Variants in PCDH15 observed in about 807,000 individuals in gnomAD.
PCDH15 encodes the protein protocadherin-15.
Under a neutral mutation model 178.5 loss-of-function variants are expected in PCDH15, and 129 were observed. The ratio of observed to expected loss-of-function variants is 0.72; its 90% confidence interval spans 0.63 to 0.84. PCDH15 has a LOEUF of 0.84. Among genes scored for constraint, PCDH15 ranks in the 40% least tolerant of loss-of-function variants. The pLI is 0.00. For missense variants in PCDH15, 2,230 were observed against 2,099.9 expected (o/e 1.06, Z -1.21); for synonymous variants, 800 against 732.0 (o/e 1.09, Z -1.50).
At chr10:54,241,889 A>ATTTTAATTTTAAGAACCTTAAAATTATTC (rs1564768352) in intron 8 of PCDH15, among the ~76,000 whole-genome samples, 2 of 151,516 alleles carry the variant, frequency 1.3e-5, no homozygotes, top group Admixed American at 6.6e-5. Context: ...TAAAATTATT[A>ATTTTAATTTTAAGAACCTTAAAATTATTC]TTTTAATTTT....
Position 54,456,449 on chromosome 10 carries a change from A to G in PCDH15, c.157+71363T>C, listed in dbSNP as rs903726724. On this transcript the variant is annotated intron_variant, in intron 3 of 37. Transcript: ENST00000644397. ...CCCTTTGTGTTGGCCAATTACCTCTATGTGGAATGGATGTATTTAACCAAT... is the reference window on the plus strand; with the variant it reads ...CCCTTTGTGTTGGCCAATTACCTCTGTGTGGAATGGATGTATTTAACCAAT... Among the ~76,000 whole-genome samples the G allele has an allele frequency of 3.4e-5, 5 of 148,106 alleles. No homozygotes were observed. The South Asian group carries it at 1.1e-3, about 33-fold the overall frequency.
chr10:54,376,181 C>T (rs1238868971), intron 4 of PCDH15, among the ~76,000 whole-genome samples: 1 of 151,804 alleles, frequency 6.6e-6, no homozygotes, highest in Non-Finnish European at 1.5e-5. Flanking sequence ...AGGCATGAGC[C>T]ATCACACCCA....
intron 3 of PCDH15, among the ~76,000 whole-genome samples, chr10:54,404,787 AT>A (rs752080603): frequency 8.4e-4 from 128 of 152,246 alleles, no homozygotes; most frequent in Non-Finnish European, 1.5e-3. Flanking sequence ...ACTAAAAGGA[AT>A]TTAAGCAAAT....
intron 18 of PCDH15, among the ~76,000 whole-genome samples, chr10:54,035,941 G>A (rs1355051923): frequency 6.6e-6 from 1 of 151,930 alleles, no homozygotes; most frequent in African/African-American, 2.4e-5. Context: ...TGTGAAGAAA[G>A]TTTGAGTGGT....
At chr10:53,979,339 C>T (rs542235673) in intron 21 of PCDH15, among the ~76,000 whole-genome samples, 6 of 152,202 alleles carry the variant, frequency 3.9e-5, no homozygotes, top group African/African-American at 1.4e-4. Flanking sequence ...TTTGTGAGAA[C>T]TCACTCACTA....
chr10:54,500,273 C>T (rs1409646560), intron 3 of PCDH15, among the ~76,000 whole-genome samples: 1 of 151,720 alleles, frequency 6.6e-6, no homozygotes, highest in Non-Finnish European at 1.5e-5. Flanking sequence ...AAGATGGGAA[C>T]AATAAAAACA....
chr10:55,593,643 T>G (rs540170055), intron 2 of PCDH15, among the ~76,000 whole-genome samples: 123 of 152,008 alleles, frequency 8.1e-4, no homozygotes, highest in African/African-American at 2.8e-3. Context: ...TAGCTTTTTT[T>G]TTAACAGTAT....
chr10:54,274,719 A>G lies in PCDH15; in HGVS notation c.877-37788T>C, dbSNP rs188752517. 5.8e-3 allele frequency among the ~76,000 whole-genome samples: 883 copies of G among 151,258 alleles called. 7 individuals are homozygous for G. Among genetic ancestry groups the G allele is most frequent in the African/African-American group, 0.02 (806 of 41,266 alleles). On this transcript the variant is annotated intron_variant, in intron 8 of 37. Coordinates refer to ENST00000644397, the MANE Select transcript of PCDH15 (RefSeq NM_001384140.1). ...AATGACTGACGTGTTCGTATTATGC[A>G]ATTTTTTATTTTTTTCATCATATTG...
chr10:55,218,112 A>G (rs981683782), intron 1 of PCDH15, among the ~76,000 whole-genome samples: 3 of 151,974 alleles, frequency 2.0e-5, no homozygotes, highest in African/African-American at 7.3e-5. Flanking sequence ...TCTAGTCCTC[A>G]CAATAACCTT....
At chr10:54,580,901 T>A (rs544179654) in intron 2 of PCDH15, among the ~76,000 whole-genome samples, 5 of 152,118 alleles carry the variant, frequency 3.3e-5, no homozygotes, top group African/African-American at 1.2e-4. Flanking sequence ...AAATCTAACA[T>A]CTCTTCATGA....
chr10:54,288,337 A>G (rs959591123), intron 8 of PCDH15, among the ~76,000 whole-genome samples: 3 of 151,264 alleles, frequency 2.0e-5, no homozygotes, highest in African/African-American at 2.4e-5. Flanking sequence ...ATACATAAAT[A>G]AGAGAGAGAG....
intron 18 of PCDH15, among the ~76,000 whole-genome samples, chr10:54,026,489 G>T (rs139050622): frequency 1.3e-5 from 2 of 152,066 alleles, no homozygotes; most frequent in African/African-American, 4.8e-5. Context: ...AGTTTAAATT[G>T]GTATAAATTA....
chr10:54,804,813 T>A (rs1005719347), upstream of PCDH15, among the ~76,000 whole-genome samples: 7 of 151,032 alleles, frequency 4.6e-5, no homozygotes, highest in Admixed American at 1.3e-4. Flanking sequence ...TCATGCCAGT[T>A]CATCTGTGCA....
At chr10:55,306,156 T>C (rs1157172741) in intron 1 of PCDH15, among the ~76,000 whole-genome samples, 1 of 151,728 alleles carries the variant, frequency 6.6e-6, no homozygotes, top group Non-Finnish European at 1.5e-5. Flanking sequence ...CAATCAAGAG[T>C]TTACCGTAAG....
intron 3 of PCDH15, among the ~76,000 whole-genome samples, chr10:54,829,088 G>C (rs1953180522): frequency 6.6e-6 from 1 of 151,980 alleles, no homozygotes; most frequent in Admixed American, 6.6e-5. Context: ...TCCAAGGTTA[G>C]TTTTTGTACA....
intron 2 of PCDH15, among the ~76,000 whole-genome samples, chr10:55,007,857 C>A (rs1839968843): frequency 6.6e-6 from 1 of 152,000 alleles, no homozygotes; most frequent in Non-Finnish European, 1.5e-5. Flanking sequence ...GACTGTTTAA[C>A]CATAAATATG....
chr10:53,945,328 T>C (rs934735822), intron 23 of PCDH15, among the ~76,000 whole-genome samples: 3 of 152,190 alleles, frequency 2.0e-5, no homozygotes, highest in Non-Finnish European at 2.9e-5. Flanking sequence ...TATATACTTA[T>C]GGTGTACAAC....
At chr10:54,809,318 G>C (rs999548624) in intron 3 of PCDH15, among the ~76,000 whole-genome samples, 1 of 151,972 alleles carries the variant, frequency 6.6e-6, no homozygotes, top group Admixed American at 6.6e-5. Flanking sequence ...CAATCTATTA[G>C]GATCACTGAT....
chr10:54,388,099 ACACT>A lies in PCDH15; in HGVS notation c.158-9161_158-9158del, dbSNP rs374301459. ...AATATACTTAATACCACTGAACTGTACACTCAGATATGTTTACATCTGTTCCTCT... is the reference window on the plus strand; with the variant it reads ...AATATACTTAATACCACTGAACTGTACAGATATGTTTACATCTGTTCCTCT... On this transcript the variant is annotated intron_variant, in intron 3 of 37. Transcript: ENST00000644397. 1.8e-3 allele frequency among the ~76,000 whole-genome samples: 270 copies of A among 152,292 alleles called. 2 individuals carry two copies. The highest frequency in any genetic ancestry group is 6.2e-3 in the African/African-American group (259 of 41,560).
Sources: gnomAD v4.1 joint callset for allele counts (sites outside exome capture counted in the v4.1 genomes callset) on GRCh38, gnomAD v4.1.1 for gene constraint, MANE v1.5 for transcripts, NCBI Gene and HGNC (gene_info 2026-07-23, HGNC 2026-07-21) for gene names.